NRG1: variants seen among roughly 807,000 people sequenced by gnomAD.
NRG1 encodes pro-neuregulin-1, membrane-bound isoform.
A neutral mutation model predicts 63.8 loss-of-function variants in NRG1; 18 were observed. The observed-to-expected ratio is 0.28, with a 90% CI of 0.19 to 0.42. The LOEUF is 0.42. Ranked by LOEUF, NRG1 falls within the 10% of genes least tolerant of loss-of-function variation. The pLI is 1.00. For missense variants in NRG1, 762 were observed against 814.7 expected (o/e 0.94, Z 0.79); for synonymous variants, 302 against 301.3 (o/e 1.00, Z -0.02).
chr8:32,073,509 G>A (rs1826051584), intron 1 of NRG1, among the ~76,000 whole-genome samples: 1 of 152,120 alleles, frequency 6.6e-6, no homozygotes, highest in Admixed American at 6.6e-5. Context: ...GGAATTATAA[G>A]ATAAATGCTC....
chr8:31,786,804 C>T (rs887161305), intron 1 of NRG1, among the ~76,000 whole-genome samples: 6 of 152,060 alleles, frequency 3.9e-5, no homozygotes, highest in East Asian at 3.9e-4. Context: ...CTGGGTGGGC[C>T]GTCCTCCAGG....
intron 1 of NRG1, among the ~76,000 whole-genome samples, chr8:32,127,868 T>C (rs918930542): frequency 1.3e-5 from 2 of 151,776 alleles, no homozygotes; most frequent in East Asian, 3.9e-4. Flanking sequence ...AAGGCTGTAG[T>C]GTGCCATGGT....
intron 1 of NRG1, among the ~76,000 whole-genome samples, chr8:31,869,018 G>T (rs1056926363): frequency 6.6e-6 from 1 of 152,230 alleles, no homozygotes; most frequent in African/African-American, 2.4e-5. Context: ...TTAATGTTAT[G>T]TGGTAATTGT....
At chr8:32,599,237 C>T (rs1433146546) in intron 2 of NRG1, among the ~76,000 whole-genome samples, 4 of 151,972 alleles carry the variant, frequency 2.6e-5, no homozygotes, top group Non-Finnish European at 5.9e-5. Context: ...TAGTTGGTTA[C>T]TTGACTTAAA....
At chr8:31,988,787 A>G (rs1305185706) in intron 1 of NRG1, among the ~76,000 whole-genome samples, 3 of 152,226 alleles carry the variant, frequency 2.0e-5, no homozygotes, top group South Asian at 4.2e-4. Context: ...TTCTGAGGGA[A>G]TAAGTTAGCC....
intron 1 of NRG1, among the ~76,000 whole-genome samples, chr8:32,307,990 T>A (rs1445886064): frequency 6.6e-6 from 1 of 152,146 alleles, no homozygotes; most frequent in African/African-American, 2.4e-5. Flanking sequence ...GCCAGTGAAC[T>A]CCGACCACGC....
At chr8:32,395,824 A>T (rs1484357154) in intron 1 of NRG1, among the ~76,000 whole-genome samples, 1 of 151,598 alleles carries the variant, frequency 6.6e-6, no homozygotes, top group Non-Finnish European at 1.5e-5. Flanking sequence ...GATAACAAGG[A>T]TTTTCTCCTA....
At chr8:32,494,848 C>G (rs1204047134) in intron 1 of NRG1, among the ~76,000 whole-genome samples, 1 of 138,752 alleles carries the variant, frequency 7.2e-6, no homozygotes, top group African/African-American at 2.6e-5. Context: ...TATGTACACC[C>G]CCTGTTTCCA....
intron 1 of NRG1, among the ~76,000 whole-genome samples, chr8:32,342,556 C>A (rs1685103): frequency 0.15 from 22,867 of 152,162 alleles, 2,519 homozygotes; most frequent in East Asian, 0.58. Flanking sequence ...CCAGAGTCCA[C>A]AAGCAGTCTA....
At chr8:32,541,226 A>T (rs968311413) in intron 1 of NRG1, among the ~76,000 whole-genome samples, 7 of 152,166 alleles carry the variant, frequency 4.6e-5, no homozygotes, top group South Asian at 2.1e-4. Flanking sequence ...TAAGTCAGAT[A>T]TATGAAGTAT....
At chr8:32,589,053 G>A (rs1052033816) in intron 1 of NRG1, among the ~76,000 whole-genome samples, 6 of 152,198 alleles carry the variant, frequency 3.9e-5, no homozygotes, top group Non-Finnish European at 8.8e-5. Flanking sequence ...CACCCACTGC[G>A]TCAGTAGCAG....
chr8:32,191,166 C>A (rs1371310460), intron 1 of NRG1, among the ~76,000 whole-genome samples: 1 of 151,750 alleles, frequency 6.6e-6, no homozygotes, highest in Non-Finnish European at 1.5e-5. Context: ...CTCACTGCAA[C>A]CTCTGGCTCA....
intron 1 of NRG1, among the ~76,000 whole-genome samples, chr8:31,875,957 C>A (rs536424062): frequency 2.0e-5 from 3 of 152,076 alleles, no homozygotes; most frequent in Non-Finnish European, 4.4e-5. Flanking sequence ...GAATCTGTCT[C>A]CTACTCATGA....
chr8:31,991,158 C>T (rs1482151169), intron 1 of NRG1, among the ~76,000 whole-genome samples: 1 of 151,908 alleles, frequency 6.6e-6, no homozygotes, highest in Non-Finnish European at 1.5e-5. Context: ...AATGTCTGTC[C>T]TAATGGATTG....
intron 1 of NRG1, among the ~76,000 whole-genome samples, chr8:31,815,861 G>T (rs541264956): frequency 6.6e-6 from 1 of 151,806 alleles, no homozygotes; most frequent in African/African-American, 2.4e-5. Context: ...GTTAGTAATG[G>T]GTGTGAGTGG....
At chr8:32,762,498 A>G (rs1830905323) in intron 11 of NRG1, among the ~76,000 whole-genome samples, 1 of 152,186 alleles carries the variant, frequency 6.6e-6, no homozygotes, top group Non-Finnish European at 1.5e-5. Context: ...AAGTACCCCC[A>G]AAGCCAAAAG....
intron 1 of NRG1, among the ~76,000 whole-genome samples, chr8:31,699,547 C>G (rs1810422344): frequency 6.6e-6 from 1 of 152,092 alleles, no homozygotes; most frequent in Admixed American, 6.5e-5. Context: ...TTTTCTTTTT[C>G]TTACCCACTA....
At chr8:31,919,487 A>AG (rs962530394) in intron 1 of NRG1, among the ~76,000 whole-genome samples, 5 of 151,892 alleles carry the variant, frequency 3.3e-5, no homozygotes, top group Admixed American at 3.3e-4. Context: ...AAATGTGCAG[A>AG]GGTTTAGGTA....
At chr8:31,773,862 A>C (rs1818864778) in intron 1 of NRG1, among the ~76,000 whole-genome samples, 1 of 152,132 alleles carries the variant, frequency 6.6e-6, no homozygotes, top group South Asian at 2.1e-4. Flanking sequence ...TATGCCATGT[A>C]TCAGTTTTCT....
Sources: gnomAD v4.1 joint callset for allele counts (sites outside exome capture counted in the v4.1 genomes callset) on GRCh38, gnomAD v4.1.1 for gene constraint, MANE v1.5 for transcripts, NCBI Gene and HGNC (gene_info 2026-07-23, HGNC 2026-07-21) for gene names.